Variants in DACH2 observed in about 807,000 individuals in gnomAD.
DACH2 encodes the protein dachshund family transcription factor 2.
DACH2 carries 17 observed loss-of-function variants against 35.8 expected under a neutral mutation model. The observed-to-expected ratio is 0.48, with a 90% confidence interval of 0.33 to 0.71. The LOEUF is 0.71. Among genes scored for constraint, DACH2 ranks in the 30% least tolerant of loss-of-function variants. The probability of loss-of-function intolerance (pLI) is 0.02; values close to 1 mark genes in which losing one functional copy is unlikely to be tolerated. For synonymous variants in DACH2, 195 were observed against 177.3 expected, an observed-to-expected ratio of 1.10 and a Z score of -0.79; for missense variants, 469 against 472.7, an observed-to-expected ratio of 0.99 and a Z score of 0.07.
chrX:86,751,194 A>T (rs1324499484), intron 7 of DACH2, among the ~76,000 whole-genome samples: 1 of 111,073 alleles, frequency 9.0e-6, no homozygotes, highest in Non-Finnish European at 1.9e-5. Flanking sequence ...TCAAGCCAAT[A>T]TCCTTGATAA....
At chrX:86,426,713 C>T (rs765379210) in intron 2 of DACH2, among the ~76,000 whole-genome samples, 2 of 111,305 alleles carry the variant, frequency 1.8e-5, no homozygotes, top group East Asian at 2.8e-4. Context: ...TAGAATTGTA[C>T]TCTAAGTCCT....
chrX:86,685,845 C>T (rs1056086503), intron 4 of DACH2, among the ~76,000 whole-genome samples: 6 of 111,095 alleles, frequency 5.4e-5, no homozygotes, highest in African/African-American at 2.0e-4. Context: ...ATAAGGGTTC[C>T]GTCCCCATGA....
intron 1 of DACH2, among the ~76,000 whole-genome samples, chrX:86,246,161 T>C (rs750220305): frequency 2.8e-4 from 31 of 111,167 alleles, no homozygotes; most frequent in Non-Finnish European, 4.2e-4. Flanking sequence ...CCAAGAAATA[T>C]AGGATTATAT....
chrX:86,451,322 C>T (rs1487159386), intron 2 of DACH2, among the ~76,000 whole-genome samples: 2 of 111,658 alleles, frequency 1.8e-5, no homozygotes, highest in Admixed American at 9.5e-5. Context: ...GTAATTCTTT[C>T]CCCATTGCTT....
chrX:86,620,797 CAA>C (rs201947312), intron 3 of DACH2, among the ~76,000 whole-genome samples: 29 of 91,237 alleles, frequency 3.2e-4, no homozygotes, highest in East Asian at 2.7e-3. Flanking sequence ...GCAAATAAAA[CAA>C]AAAAAAAAAA....
chrX:86,539,223 T>C (rs1232409340), intron 3 of DACH2, among the ~76,000 whole-genome samples: 2 of 111,210 alleles, frequency 1.8e-5, no homozygotes, highest in Admixed American at 1.9e-4. Context: ...GCTTGGCGGT[T>C]TCCCCTTCAC....
At chrX:86,627,374 C>A (rs2040150521) in intron 3 of DACH2, among the ~76,000 whole-genome samples, 1 of 111,804 alleles carries the variant, frequency 8.9e-6, no homozygotes, top group Non-Finnish European at 1.9e-5. Flanking sequence ...TGATATCCAT[C>A]TTTTCTTGTC....
chrX:86,636,321 G>T (rs1230348247), intron 3 of DACH2, among the ~76,000 whole-genome samples: 1 of 111,006 alleles, frequency 9.0e-6, no homozygotes, highest in Admixed American at 9.6e-5. Flanking sequence ...AGTGACGGGT[G>T]CCTGTAATCC....
At chrX:86,817,403 A>G (rs2042464430) in intron 11 of DACH2, among the ~76,000 whole-genome samples, 1 of 111,379 alleles carries the variant, frequency 9.0e-6, no homozygotes. Flanking sequence ...TGAGGTTACC[A>G]TCATATACCA....
At chrX:86,258,477 G>T (rs780720449) in intron 1 of DACH2, among the ~76,000 whole-genome samples, 4 of 111,622 alleles carry the variant, frequency 3.6e-5, no homozygotes, top group African/African-American at 6.5e-5. Context: ...TCATCTGCAC[G>T]TGCAATATCA....
At chrX:86,219,085 A>T (rs1468288585) in intron 1 of DACH2, among the ~76,000 whole-genome samples, 1 of 112,042 alleles carries the variant, frequency 8.9e-6, no homozygotes, top group Non-Finnish European at 1.9e-5. Flanking sequence ...ACTAAATGTT[A>T]GTTTTCTAAT....
intron 11 of DACH2, among the ~76,000 whole-genome samples, chrX:86,822,544 C>T (rs1425951682): frequency 8.9e-6 from 1 of 111,869 alleles, no homozygotes; most frequent in Non-Finnish European, 1.9e-5. Flanking sequence ...ACACAGGAAT[C>T]TTAACTCTCA....
intron 3 of DACH2, among the ~76,000 whole-genome samples, chrX:86,609,622 T>G (rs2039903556): frequency 8.9e-6 from 1 of 112,058 alleles, no homozygotes; most frequent in South Asian, 3.7e-4. Flanking sequence ...GGCTTTCAGA[T>G]ATTCTAAAGG....
chrX:86,770,348 TA>T (rs2041977128), intron 7 of DACH2, among the ~76,000 whole-genome samples: 1 of 111,851 alleles, frequency 8.9e-6, no homozygotes, highest in African/African-American at 3.2e-5. Context: ...GTTCAGAACA[TA>T]TTTTGAGGAA....
At chrX:86,462,601 G>A (rs970996270) in intron 2 of DACH2, among the ~76,000 whole-genome samples, 6 of 111,151 alleles carry the variant, frequency 5.4e-5, no homozygotes, top group Non-Finnish European at 1.1e-4. Flanking sequence ...ATCAATACAG[G>A]CTGTTTTCTA....
chrX:86,488,789 T>A (rs1159146300), intron 2 of DACH2, among the ~76,000 whole-genome samples: 1 of 111,630 alleles, frequency 9.0e-6, no homozygotes, highest in Non-Finnish European at 1.9e-5. Flanking sequence ...TTGAAATCAT[T>A]GAGAAGTTAG....
intron 1 of DACH2, among the ~76,000 whole-genome samples, chrX:86,369,512 C>A (rs1466959490): frequency 9.1e-6 from 1 of 110,370 alleles, no homozygotes; most frequent in Non-Finnish European, 1.9e-5. Context: ...GCTTGATTGT[C>A]TTCATCTGCA....
chrX:86,823,681 G>A (rs559935129), intron 11 of DACH2, among the ~76,000 whole-genome samples: 114 of 111,698 alleles, frequency 1.0e-3, no homozygotes, highest in Admixed American at 2.5e-3. Flanking sequence ...CATAAGTGTC[G>A]GCTGGCTGAG....
chrX:86,316,226 A>T (rs1326958806), intron 1 of DACH2, among the ~76,000 whole-genome samples: 1 of 109,836 alleles, frequency 9.1e-6, no homozygotes, highest in Non-Finnish European at 1.9e-5. Flanking sequence ...CTGCTTCTAG[A>T]TTCCCTATCT....
Sources: allele counts gnomAD v4.1 joint callset (sites outside exome capture counted in the v4.1 genomes callset), GRCh38; gene constraint gnomAD v4.1.1; transcripts MANE v1.5; gene names NCBI Gene and HGNC (gene_info 2026-07-23, HGNC 2026-07-21).